HACD3: variants seen among roughly 807,000 people sequenced by gnomAD.
HACD3 encodes the protein very-long-chain (3R)-3-hydroxyacyl-CoA dehydratase 3.
A neutral mutation model predicts 55.2 loss-of-function variants in HACD3; 30 were observed. The observed-to-expected ratio is 0.54, with a 90% confidence interval of 0.41 to 0.74. The LOEUF is 0.74. HACD3 is among the 30% of genes least tolerant of loss of function. HACD3 has a pLI of 0.00. For missense variants in HACD3, 363 were observed against 440.1 expected (o/e 0.82, Z 1.57); for synonymous variants, 141 against 151.7 (o/e 0.93, Z 0.52).
Position 65,540,638 on chromosome 15 carries a change from G to A in HACD3, c.87+9920G>A, listed in dbSNP as rs1485723928. On this transcript the variant is annotated intron_variant, in intron 1 of 10. Transcript: ENST00000261875. ...TTGGAGTGTAGTGAGGAATAAGTTAGAGGGAGATGAGGATAGAAGGGTTTG... is the reference window on the plus strand; with the variant it reads ...TTGGAGTGTAGTGAGGAATAAGTTAAAGGGAGATGAGGATAGAAGGGTTTG... 2.6e-5 allele frequency among the ~76,000 whole-genome samples: 4 copies of A among 152,178 alleles called. No individual in the cohort carries two copies. The East Asian group carries it at 7.7e-4, about 29-fold the overall frequency.
chr15:65,537,948 AAAAAAAAAAAATATATATATATAT>A (rs1224079082), intron 1 of HACD3, among the ~76,000 whole-genome samples: 11,777 of 67,882 alleles, frequency 0.17, 945 homozygotes, highest in Non-Finnish European at 0.21. Flanking sequence ...AAAAAAAAAA[AAAAAAAAAAAATATATATATATAT>A]ATATATATAT....
intron 1 of HACD3, among the ~76,000 whole-genome samples, chr15:65,537,950 AAAAAAAAAATATATATATATAT>A (rs60863258): frequency 0.048 from 2,529 of 52,402 alleles, 132 homozygotes; most frequent in East Asian, 0.17. Flanking sequence ...AAAAAAAAAA[AAAAAAAAAATATATATATATAT>A]ATATATATAT....
At chr15:65,562,926 G>A in intron 6 of HACD3, 42 bp downstream of exon 6, 1 of 1,601,786 alleles carries the variant, frequency 6.2e-7, no homozygotes, top group Non-Finnish European at 8.5e-7. Context: ...TTTCTCAGTA[G>A]TTTGGCCCAG....
At chr15:65,563,655 C>G (rs1348746562) in intron 6 of HACD3, among the ~76,000 whole-genome samples, 2 of 151,982 alleles carry the variant, frequency 1.3e-5, no homozygotes, top group Non-Finnish European at 2.9e-5. Flanking sequence ...GGTGATGGAG[C>G]AAGACCTTGA....
At chr15:65,536,974 C>T (rs1054679850) in intron 1 of HACD3, among the ~76,000 whole-genome samples, 9 of 152,152 alleles carry the variant, frequency 5.9e-5, no homozygotes, top group Non-Finnish European at 8.8e-5. Flanking sequence ...CCAGTGAACA[C>T]CCAAATGATA....
intron 1 of HACD3, among the ~76,000 whole-genome samples, chr15:65,534,776 G>T (rs760793479): frequency 6.6e-6 from 1 of 152,214 alleles, no homozygotes; most frequent in Non-Finnish European, 1.5e-5. Context: ...CATCCAGACA[G>T]ATATGAACAG....
At position 65,530,510 on chromosome 15, in the gene HACD3, G is replaced by A. The variant is rs987232886; in HGVS notation, c.-122G>A. On this transcript the variant is annotated 5_prime_UTR_variant, in exon 1 of 11. Coordinates refer to ENST00000261875, the MANE Select transcript of HACD3 (RefSeq NM_016395.4). ...CGAGCGTGGGGTATCTCGAGGTGCC[G>A]GGTTGCAGGCGCTCAGGAGCGCTAG... 6.0e-6 allele frequency: 5 copies of A among 828,148 alleles called. No individual in the cohort carries two copies. The highest frequency in any genetic ancestry group is 5.4e-6 in the Non-Finnish European group (3 of 559,616). The allele number at this position is 828,148 out of a possible 1,614,324, so 51.3% of individuals were successfully genotyped here. A position where few individuals can be genotyped will look rare whatever the true frequency, so the allele number is the denominator to read the frequency against.
At chr15:65,556,463 G>T (rs1944238870) in intron 3 of HACD3, among the ~76,000 whole-genome samples, 1 of 152,126 alleles carries the variant, frequency 6.6e-6, no homozygotes, top group African/African-American at 2.4e-5. Flanking sequence ...GCAAGTGATG[G>T]AGAGCGAGTC....
At chr15:65,558,413 A>G (rs910209105) in intron 4 of HACD3, among the ~76,000 whole-genome samples, 2 of 152,224 alleles carry the variant, frequency 1.3e-5, no homozygotes, top group African/African-American at 4.8e-5. Context: ...TCCAGCTTTA[A>G]GATTCCAAGG....
intron 7 of HACD3, 84 bp downstream of exon 7, chr15:65,564,426 C>G: frequency 6.7e-7 from 1 of 1,489,496 alleles, no homozygotes; most frequent in South Asian, 1.3e-5. Context: ...CATTTTCATG[C>G]TGCTCATAAA....
At chr15:65,542,268 T>C (rs1311999153) in intron 1 of HACD3, among the ~76,000 whole-genome samples, 1 of 151,132 alleles carries the variant, frequency 6.6e-6, no homozygotes, top group Non-Finnish European at 1.5e-5. Context: ...AATATCTGTT[T>C]TGTATGTTTG....
At chr15:65,559,798 T>A (rs77318410) in intron 5 of HACD3, among the ~76,000 whole-genome samples, 9,171 of 152,118 alleles carry the variant, frequency 0.06, 281 homozygotes, top group African/African-American at 0.082. Flanking sequence ...ACTTTGAGAT[T>A]TAAATTAATG....
At chr15:65,564,147 T>G in intron 6 of HACD3, 68 bp from the exon 7 acceptor site, 1 of 1,524,334 alleles carries the variant, frequency 6.6e-7, no homozygotes. Context: ...AGGAGTAATC[T>G]AGTTTGAGAA....
intron 1 of HACD3, among the ~76,000 whole-genome samples, chr15:65,542,374 C>T (rs890422124): frequency 6.6e-6 from 1 of 152,040 alleles, no homozygotes; most frequent in Non-Finnish European, 1.5e-5. Flanking sequence ...AGTGAACCTC[C>T]TACCTCAGTC....
At chr15:65,546,710 G>C (rs2072080560) in intron 1 of HACD3, among the ~76,000 whole-genome samples, 1 of 152,096 alleles carries the variant, frequency 6.6e-6, no homozygotes, top group African/African-American at 2.4e-5. Context: ...CAAAGTGCTG[G>C]GATTGCAGGT....
intron 10 of HACD3, among the ~76,000 whole-genome samples, chr15:65,573,795 G>A (rs1472552825): frequency 6.6e-6 from 1 of 151,970 alleles, no homozygotes; most frequent in African/African-American, 2.4e-5. Flanking sequence ...AATACGTATC[G>A]ATTTTAGTAT....
chr15:65,530,837 G>A, intron 1 of HACD3, 119 bp downstream of exon 1: 3 of 996,420 alleles, frequency 3.0e-6, no homozygotes, highest in Non-Finnish European at 4.3e-6. Flanking sequence ...CAACAAGGTC[G>A]GCGACGCGGT....
intron 1 of HACD3, among the ~76,000 whole-genome samples, chr15:65,533,218 G>A (rs1208085801): frequency 6.6e-6 from 1 of 152,160 alleles, no homozygotes; most frequent in Admixed American, 6.5e-5. Flanking sequence ...ATACTCCATG[G>A]GGAACCCTGG....
chr15:65,569,021 G>A (rs2072321657), intron 7 of HACD3, among the ~76,000 whole-genome samples: 1 of 152,026 alleles, frequency 6.6e-6, no homozygotes, highest in African/African-American at 2.4e-5. Flanking sequence ...GCCGAGGCGG[G>A]TGGATCACAA....
Sources: allele counts gnomAD v4.1 joint callset (sites outside exome capture counted in the v4.1 genomes callset), GRCh38; gene constraint gnomAD v4.1.1; transcripts MANE v1.5; gene names NCBI Gene and HGNC (gene_info 2026-07-23, HGNC 2026-07-21).